Variants in ZC3H12C observed in about 807,000 individuals in gnomAD.
ZC3H12C encodes zinc finger CCCH-type containing 12C.
In ZC3H12C, 20 loss-of-function variants were observed where a neutral mutation model predicts 76.3. The ratio of observed to expected loss-of-function variants is 0.26; its 90% confidence interval spans 0.18 to 0.38. ZC3H12C has a LOEUF of 0.38. ZC3H12C is among the 10% of genes least tolerant of loss of function. The pLI is 1.00. For synonymous variants in ZC3H12C, 352 were observed against 399.6 expected, an observed-to-expected ratio of 0.88 and a Z score of 1.42; for missense variants, 874 against 1,086.5, an observed-to-expected ratio of 0.80 and a Z score of 2.75.
Position 110,137,376 on chromosome 11 carries a change from G to C in ZC3H12C, c.735G>C (p.Leu245=). The C allele has an allele frequency of 6.2e-7, 1 of 1,611,400 alleles. No homozygotes were observed. Among genetic ancestry groups the C allele is most frequent in the Non-Finnish European group, 8.5e-7 (1 of 1,179,176 alleles). ...TTGTAACAGATGATGGTGAAAATCTGAGACCAATAGTTATTGATGGCAGCA... is the reference window on the plus strand; with the variant it reads ...TTGTAACAGATGATGGTGAAAATCTCAGACCAATAGTTATTGATGGCAGCA... ...QEIVTDDGEN[L]RPIVIDGSNV... is the part of the protein sequence containing the mutation. The change falls in exon 2 of 6, where the codon CTG becomes CTC. Residue 245 remains leucine (L), a synonymous_variant. Transcript: ENST00000278590.
rs1019949799 is a variant in ZC3H12C at position 110,170,211 on chromosome 11, ACT to A, written c.*4477_*4478del. On this transcript the variant is annotated 3_prime_UTR_variant, in exon 6 of 6. Coordinates refer to ENST00000278590, the MANE Select transcript of ZC3H12C (RefSeq NM_033390.2). ...CTTGTGTTTAACCACAAAAAAAAGC[ACT>A]CTGTTAAAATGTTTTAATATGTATT... 2 of 152,152 alleles carry A rather than the reference ACT, an allele frequency of 1.3e-5. No individual in the cohort carries two copies. Among genetic ancestry groups the A allele is most frequent in the African/African-American group, 2.4e-5 (1 of 41,432 alleles). The allele number at this position is 152,152 out of a possible 1,614,324, so 9.4% of individuals were successfully genotyped here. A position where few individuals can be genotyped will look rare whatever the true frequency, so the allele number is the denominator to read the frequency against.
chr11:110,163,195 A>C, intron 4 of ZC3H12C, 78 bp from the exon 5 acceptor site: 2 of 1,279,016 alleles, frequency 1.6e-6, no homozygotes, highest in Non-Finnish European at 2.2e-6. Flanking sequence ...TATAGAGGGA[A>C]CAAATCTTTG....
chr11:110,171,068 A>G lies in ZC3H12C; in HGVS notation c.*5331A>G, dbSNP rs1393371170. ...TAATGTTTCACTTCTTGAACCATGT[A>G]CCAAATTTGCCAATTTTCTGTCCAA... On this transcript the variant is annotated 3_prime_UTR_variant, in exon 6 of 6. Transcript: ENST00000278590. 1 of 152,216 alleles carries G rather than the reference A, an allele frequency of 6.6e-6. No individual in the cohort carries two copies. The highest frequency in any genetic ancestry group is 1.5e-5 in the Non-Finnish European group (1 of 68,036). The allele number at this position is 152,216 out of a possible 1,614,324, so 9.4% of individuals were successfully genotyped here.
In ZC3H12C at chr11:110,163,341, C is replaced by T; in HGVS notation, c.1217C>T (p.Pro406Leu). ...PSLDNFLRKK[P>L]IVPEHKKQPC... ...CTGGATAATTTTCTGAGGAAGAAAC[C>T]TATTGTTCCTGAACACAAAAAGCAG... is the stretch of plus-strand genomic sequence containing the variant. The change falls in exon 5 of 6, where the codon CCT becomes CTT. Residue 406 changes from proline to leucine, a missense_variant. Pro to Leu is a moderately conservative substitution (Grantham distance 98). Coordinates refer to ENST00000278590, the MANE Select transcript of ZC3H12C (RefSeq NM_033390.2). The T allele has an allele frequency of 1.9e-6, 3 of 1,612,838 alleles. No individual in the cohort carries two copies. The highest frequency in any genetic ancestry group is 2.5e-6 in the Non-Finnish European group (3 of 1,179,476).
intron 2 of ZC3H12C, among the ~76,000 whole-genome samples, chr11:110,138,527 T>C (rs1283043004): frequency 6.6e-6 from 1 of 152,068 alleles, no homozygotes; most frequent in Admixed American, 6.6e-5. Flanking sequence ...TAATCAATTT[T>C]AAAAAGTTAT....
chr11:110,135,311 G>A (rs547834445), intron 1 of ZC3H12C, among the ~76,000 whole-genome samples: 31 of 151,944 alleles, frequency 2.0e-4, no homozygotes, highest in South Asian at 1.5e-3. Flanking sequence ...CCAACGTGGC[G>A]AAACTTTGTC....
chr11:110,152,089 T>C (rs1862281877), intron 2 of ZC3H12C, among the ~76,000 whole-genome samples: 3 of 152,174 alleles, frequency 2.0e-5, no homozygotes, highest in Non-Finnish European at 4.4e-5. Context: ...AATTATTGCA[T>C]TCAAAATGGG....
At chr11:110,143,658 AAC>A (rs1301241994) in intron 2 of ZC3H12C, among the ~76,000 whole-genome samples, 3 of 152,092 alleles carry the variant, frequency 2.0e-5, no homozygotes, top group African/African-American at 4.8e-5. Context: ...TATTTTTAAA[AAC>A]ACACACACGT....
At chr11:110,151,384 C>G (rs1370322617) in intron 2 of ZC3H12C, among the ~76,000 whole-genome samples, 1 of 152,174 alleles carries the variant, frequency 6.6e-6, no homozygotes, top group African/African-American at 2.4e-5. Context: ...AACCAAGTAT[C>G]ATTAGTTTAC....
intron 1 of ZC3H12C, chr11:110,131,154 A>G (rs1479827997): frequency 9.5e-6 from 13 of 1,367,614 alleles, no homozygotes; most frequent in Non-Finnish European, 7.0e-6. Flanking sequence ...ACTTTGCTAA[A>G]TATTCAGAGT....
chr11:110,164,098 C>CA lies in ZC3H12C; in HGVS notation c.1256-228dup, dbSNP rs35959407. 2.2e-4 allele frequency among the ~76,000 whole-genome samples: 32 copies of CA among 142,970 alleles called. No individual in the cohort carries two copies. Among genetic ancestry groups the CA allele is most frequent in the Non-Finnish European group, 3.1e-4 (20 of 65,486 alleles). The allele number at this position is 142,970 out of a possible 152,430, so 93.8% of individuals were successfully genotyped here. A position where few individuals can be genotyped will look rare whatever the true frequency, so the allele number is the denominator to read the frequency against. On this transcript the variant is annotated intron_variant, in intron 5 of 5. Transcript: ENST00000278590. This position sits in a 1 kb window ranked among gnomAD's most constrained non-coding sequence, Gnocchi z 5.7. ...TGGGTGACAGAGCAAGACCCTGTCT[C>CA]AAAAAAAAAAAAAAAGTTCTGGAGG...
rs1272248275 is a variant in ZC3H12C, at chr11:110,093,705, G to A, written c.21+273G>A. Among the ~76,000 whole-genome samples the A allele has an allele frequency of 2.0e-5, 3 of 152,072 alleles. No homozygotes were observed. The East Asian group carries it at 5.8e-4, about 29-fold the overall frequency. On this transcript the variant is annotated intron_variant, in intron 1 of 5. Transcript: ENST00000278590. ...CCCGCCGGGATTTCGGGCGAGGTGAGGCCGGGCTTCCCGGCCCCGCGGCCT... is the reference window on the plus strand; with the variant it reads ...CCCGCCGGGATTTCGGGCGAGGTGAAGCCGGGCTTCCCGGCCCCGCGGCCT...
At chr11:110,159,212 C>G (rs1319394274) in intron 3 of ZC3H12C, 44 bp from the exon 4 acceptor site, 1 of 1,469,020 alleles carries the variant, frequency 6.8e-7, no homozygotes, top group Admixed American at 1.9e-5. Flanking sequence ...TGTGTGTTAT[C>G]TATGTATTTA....
chr11:110,160,396 A>C (rs1359457322), intron 4 of ZC3H12C, among the ~76,000 whole-genome samples: 1 of 101,976 alleles, frequency 9.8e-6, no homozygotes, highest in Non-Finnish European at 2.2e-5. Flanking sequence ...TAAACTTCTT[A>C]GTTTTTAAAA....
At chr11:110,139,320 A>G (rs990154595) in intron 2 of ZC3H12C, among the ~76,000 whole-genome samples, 8 of 152,212 alleles carry the variant, frequency 5.3e-5, no homozygotes, top group Non-Finnish European at 1.0e-4. Flanking sequence ...GAGAAAAACT[A>G]AGTTGAAAAG....
chr11:110,165,782 C>A lies in ZC3H12C; in HGVS notation c.*45C>A. ...GTGTTTAGTAGTTTTTTGTTCAGCT[C>A]AAATGCTGAGGGAGGTTTGCTACAA... is the stretch of plus-strand genomic sequence containing the variant. On this transcript the variant is annotated 3_prime_UTR_variant, in exon 6 of 6. Coordinates refer to ENST00000278590, the MANE Select transcript of ZC3H12C (RefSeq NM_033390.2). The A allele has an allele frequency of 6.6e-7, 1 of 1,506,436 alleles. No individual in the cohort carries two copies. The highest frequency in any genetic ancestry group is 2.4e-5 in the East Asian group (1 of 40,904). The allele number at this position is 1,506,436 out of a possible 1,614,324, so 93.3% of individuals were successfully genotyped here.
rs764220083 is a variant in ZC3H12C at position 110,136,880 on chromosome 11, C to T, written c.239C>T (p.Ala80Val). Residue 80 changes from alanine to valine, a missense_variant, in exon 2 of 6, where the codon GCG becomes GTG. Coordinates refer to ENST00000278590, the MANE Select transcript of ZC3H12C (RefSeq NM_033390.2). ...TVNVGKDEKE[A>V]SEENASSGDS... Reference sequence around the variant, plus strand: ...AATGTGGGGAAGGATGAAAAAGAGGCGTCTGAAGAGAATGCAAGCTCTGGT... The same window carrying T: ...AATGTGGGGAAGGATGAAAAAGAGGTGTCTGAAGAGAATGCAAGCTCTGGT... 1.7e-5 allele frequency: 28 copies of T among 1,613,598 alleles called. No individual in the cohort carries two copies. Among genetic ancestry groups the T allele is most frequent in the Admixed American group, 1.7e-4 (10 of 59,946 alleles).
At chr11:110,152,597 G>A (rs908131148) in intron 2 of ZC3H12C, among the ~76,000 whole-genome samples, 1 of 152,110 alleles carries the variant, frequency 6.6e-6, no homozygotes, top group Non-Finnish European at 1.5e-5. Flanking sequence ...GTGGTTGAAG[G>A]AAGCCCTTTC....
chr11:110,108,838 T>G (rs1194040889), intron 1 of ZC3H12C, among the ~76,000 whole-genome samples: 2 of 152,310 alleles, frequency 1.3e-5, no homozygotes, highest in East Asian at 3.9e-4. Context: ...TGTTACTACC[T>G]TCTTCTCAGC....
Sources: gnomAD v4.1 joint callset for allele counts (sites outside exome capture counted in the v4.1 genomes callset) on GRCh38, gnomAD v4.1.1 for gene constraint, Gnocchi (gnomAD v3.1) non-coding constraint, MANE v1.5 for transcripts, NCBI Gene and HGNC (gene_info 2026-07-23, HGNC 2026-07-21) for gene names.